SNRPA1: variants seen among roughly 807,000 people sequenced by gnomAD.
SNRPA1 encodes the protein U2 small nuclear ribonucleoprotein A'.
Under a neutral mutation model 32.3 loss-of-function variants are expected in SNRPA1, and 5 were observed. The observed-to-expected ratio is 0.15, with a 90% CI of 0.08 to 0.33. The LOEUF is 0.33. Ranked by LOEUF, SNRPA1 falls within the 10% of genes least tolerant of loss-of-function variation. The probability of loss-of-function intolerance (pLI) is 1.00; values close to 1 mark genes in which losing one functional copy is unlikely to be tolerated. For missense variants in SNRPA1, 198 were observed against 311.1 expected (o/e 0.64, Z 2.74); for synonymous variants, 111 against 120.1 (o/e 0.92, Z 0.50).
chr15:101,285,425 C>A (rs1368147690), intron 7 of SNRPA1, among the ~76,000 whole-genome samples: 1 of 152,056 alleles, frequency 6.6e-6, no homozygotes, highest in Non-Finnish European at 1.5e-5. Context: ...AGCAAATCTT[C>A]GAAAGTAAAA....
rs2039576596 is a variant in SNRPA1 at position 101,295,239 on chromosome 15, C to G, written c.-61G>C. 4 of 1,367,752 alleles carry G rather than the reference C, an allele frequency of 2.9e-6. No homozygotes were observed. The highest frequency in any genetic ancestry group is 3.9e-6 in the Non-Finnish European group (4 of 1,033,684). 84.7% of individuals were successfully genotyped at this position (1,367,752 alleles called of 1,614,324 possible). A position where few individuals can be genotyped will look rare whatever the true frequency, so the allele number is the denominator to read the frequency against. On this transcript the variant is annotated 5_prime_UTR_variant, in exon 1 of 9. Coordinates refer to ENST00000254193, the MANE Select transcript of SNRPA1 (RefSeq NM_003090.4). ...CCGTGGCCTCCCGCCAGCGAGACGT[C>G]CCAGCGTGCCCCGCGCCCCGCCGCC...
intron 3 of SNRPA1, among the ~76,000 whole-genome samples, chr15:101,289,193 T>C (rs979560650): frequency 4.6e-5 from 7 of 152,178 alleles, no homozygotes; most frequent in African/African-American, 1.4e-4. Flanking sequence ...ACATACACAG[T>C]GTAAAACGTA....
chr15:101,287,554 T>C (rs35525027), intron 4 of SNRPA1, 102 bp downstream of exon 4: 329,436 of 943,180 alleles, frequency 0.35, 58,825 homozygotes, highest in Admixed American at 0.44. Context: ...ATGGTGCATA[T>C]GTGCCACATT....
Position 101,291,992 on chromosome 15 carries a change from G to A in SNRPA1, c.279C>T (p.Leu93=), listed in dbSNP as rs754774377. Residue 93 remains leucine (L), a synonymous_variant, in exon 3 of 9, where the codon CTC becomes CTT. Transcript: ENST00000254193. ...CCACGAGACTATTATTGGTGAGAAT[G>A]AGTTCTGTCAGACAGGGCAGAGCCT... ...LDQALPCLTE[L]ILTNNSLVEL... 8 of 1,612,696 alleles carry A rather than the reference G, an allele frequency of 5.0e-6. No individual in the cohort carries two copies. In the African/African-American group the frequency reaches 8.0e-5, roughly 16 times the overall value.
At chr15:101,290,267 C>T (rs1410029134) in intron 3 of SNRPA1, among the ~76,000 whole-genome samples, 1 of 152,172 alleles carries the variant, frequency 6.6e-6, no homozygotes, top group African/African-American at 2.4e-5. Context: ...TTCTAACATA[C>T]CTCTCTCAAT....
At chr15:101,288,805 GA>G (rs2039486272) in intron 3 of SNRPA1, among the ~76,000 whole-genome samples, 1 of 152,212 alleles carries the variant, frequency 6.6e-6, no homozygotes, top group Non-Finnish European at 1.5e-5. Flanking sequence ...CAGTGACTGA[GA>G]AAAGCAGGCC....
At chr15:101,292,993 G>T in intron 2 of SNRPA1, 32 bp downstream of exon 2, 2 of 1,524,406 alleles carry the variant, frequency 1.3e-6, no homozygotes, top group Non-Finnish European at 1.8e-6. Flanking sequence ...TTACTCTAGG[G>T]GAAAAAATTA....
intron 1 of SNRPA1, chr15:101,293,519 CAGG>C (rs571328305): frequency 9.8e-4 from 156 of 159,762 alleles, no homozygotes; most frequent in African/African-American, 3.3e-3. Flanking sequence ...ATCGGCACAA[CAGG>C]AGTTTACACT....
At chr15:101,294,185 G>A (rs1170709735) in intron 1 of SNRPA1, among the ~76,000 whole-genome samples, 3 of 152,242 alleles carry the variant, frequency 2.0e-5, no homozygotes, top group African/African-American at 7.2e-5. Flanking sequence ...GCAGTGAGCC[G>A]AGATCACGCC....
In SNRPA1 at chr15:101,295,162, G is replaced by A; in HGVS notation, c.17C>T (p.Ala6Val). 6.4e-7 allele frequency: 1 copy of A among 1,555,264 alleles called. No individual in the cohort carries two copies. The highest frequency in any genetic ancestry group is 8.7e-7 in the Non-Finnish European group (1 of 1,155,006). The change falls in exon 1 of 9, where the codon GCG becomes GTG. Residue 6 changes from alanine (A) to valine (V), a missense_variant. Ala to Val is a moderately conservative substitution (Grantham distance 64). Around this residue, in one of 3 missense-constraint regions of SNRPA1, gnomAD observed 119 missense variants for 171.6 expected, o/e 0.69. Coordinates refer to ENST00000254193, the MANE Select transcript of SNRPA1 (RefSeq NM_003090.4). MVKLT[A>V]ELIEQAAQYT... ...CTGCGCCGCCTGCTCGATCAGCTCC[G>A]CCGTCAGCTTGACCATCCTGCAGCC...
At chr15:101,287,869 C>T (rs1596471174) in intron 3 of SNRPA1, 167 bp from the exon 4 acceptor site, 1 of 615,370 alleles carries the variant, frequency 1.6e-6, no homozygotes, top group Non-Finnish European at 3.0e-6. Flanking sequence ...ATAATTTCTA[C>T]CGATGAATAC....
rs1273853787 is a variant in SNRPA1, at chr15:101,291,149, T to G, written c.309+813A>C. 4.6e-5 allele frequency among the ~76,000 whole-genome samples: 7 copies of G among 152,280 alleles called. 1 individual carries two copies. The highest frequency in any genetic ancestry group is 1.9e-4 in the East Asian group (1 of 5,190). On this transcript the variant is annotated intron_variant, in intron 3 of 8. Coordinates refer to ENST00000254193, the MANE Select transcript of SNRPA1 (RefSeq NM_003090.4). ...TCCCACCTTGGCTTCCCAAAGTGCT[T>G]GGATTACAGGCATGAGCTATGGCAC...
At chr15:101,288,461 G>C (rs940976683) in intron 3 of SNRPA1, 1 of 152,096 alleles carries the variant, frequency 6.6e-6, no homozygotes, top group East Asian at 1.9e-4. Context: ...TATTAGCCAC[G>C]ATGGTCTCGA....
Position 101,293,129 on chromosome 15 carries a change from G to C in SNRPA1, c.126C>G (p.Asp42Glu). 6.2e-7 allele frequency: 1 copy of C among 1,610,592 alleles called. No homozygotes were observed. The highest frequency in any genetic ancestry group is 8.5e-7 in the Non-Finnish European group (1 of 1,177,694). ...CAGAAAAATCAATAGCATCAAACTGGTCTAACGTAGCACCTAGATTTTCAA... is the reference window on the plus strand; with the variant it reads ...CAGAAAAATCAATAGCATCAAACTGCTCTAACGTAGCACCTAGATTTTCAA... Reference protein sequence around the residue: ...PVIENLGATLDQFDAIDFSDN... With the variant: ...PVIENLGATLEQFDAIDFSDN... The change falls in exon 2 of 9, where the codon GAC becomes GAG. Residue 42 changes from aspartate to glutamate, a missense_variant. Asp to Glu is a conservative substitution (Grantham distance 45). Coordinates refer to ENST00000254193, the MANE Select transcript of SNRPA1 (RefSeq NM_003090.4).
At chr15:101,292,243 TAATTCCACTGTCATACCATCTA>T (rs1296873639) in intron 2 of SNRPA1, among the ~76,000 whole-genome samples, 2 of 152,244 alleles carry the variant, frequency 1.3e-5, no homozygotes, top group African/African-American at 4.8e-5. Context: ...TGCCTGGGGC[TAATTCCACTGTCATACCATCTA>T]GTGGAACCTG....
At chr15:101,291,555 A>G (rs2039526622) in intron 3 of SNRPA1, among the ~76,000 whole-genome samples, 1 of 150,986 alleles carries the variant, frequency 6.6e-6, no homozygotes, top group South Asian at 2.1e-4. Flanking sequence ...TTTGAAATCC[A>G]GTGTGTATTT....
intron 1 of SNRPA1, among the ~76,000 whole-genome samples, chr15:101,294,253 A>C (rs761849989): frequency 6.6e-6 from 1 of 152,176 alleles, no homozygotes; most frequent in Non-Finnish European, 1.5e-5. Context: ...ACACAACACA[A>C]AACAGTGGGA....
intron 8 of SNRPA1, among the ~76,000 whole-genome samples, chr15:101,283,811 G>C (rs946913686): frequency 6.6e-6 from 1 of 152,268 alleles, no homozygotes; most frequent in African/African-American, 2.4e-5. Flanking sequence ...ACGGTAGCAG[G>C]TGCCTGTAAT....
At chr15:101,291,328 G>A (rs79899271) in intron 3 of SNRPA1, among the ~76,000 whole-genome samples, 4,870 of 152,290 alleles carry the variant, frequency 0.032, 300 homozygotes, top group East Asian at 0.24. Context: ...TTCATCTAAC[G>A]TGAAGAGTAA....
Sources: gnomAD v4.1 joint callset for allele counts (sites outside exome capture counted in the v4.1 genomes callset) on GRCh38, gnomAD v4.1.1 for gene constraint, gnomAD v4.1.1 regional missense constraint, MANE v1.5 for transcripts, NCBI Gene and HGNC (gene_info 2026-07-23, HGNC 2026-07-21) for gene names.